IGSF21: variants seen among roughly 807,000 people sequenced by gnomAD.
IGSF21 encodes immunoglobulin superfamily member 21.
In IGSF21, 28 loss-of-function variants were observed where a neutral mutation model predicts 46.8. The observed-to-expected ratio is 0.60, with a 90% CI of 0.44 to 0.82. IGSF21 has a LOEUF of 0.82. Among genes scored for constraint, IGSF21 ranks in the 40% least tolerant of loss-of-function variants. The pLI, the probability that IGSF21 is intolerant of heterozygous loss-of-function variation, is 0.00. For missense variants in IGSF21, 624 were observed against 665.5 expected, an observed-to-expected ratio of 0.94 and a Z score of 0.69; for synonymous variants, 284 against 273.6, an observed-to-expected ratio of 1.04 and a Z score of -0.38.
intron 7 of IGSF21, 103 bp downstream of exon 7, chr1:18,376,498 C>A: frequency 1.2e-6 from 1 of 868,686 alleles, no homozygotes; most frequent in Non-Finnish European, 2.0e-6. Context: ...TTCCTTTGAT[C>A]CCCAGCCACA....
chr1:18,359,383 A>AAGGAAGG (rs2086064838), intron 4 of IGSF21, among the ~76,000 whole-genome samples: 35 of 61,092 alleles, frequency 5.7e-4, no homozygotes, highest in East Asian at 1.4e-3. Context: ...AGAAAGAAAG[A>AAGGAAGG]AAGGAAGGAA....
At chr1:18,330,009 G>A (rs1232290231) in intron 3 of IGSF21, among the ~76,000 whole-genome samples, 1 of 152,194 alleles carries the variant, frequency 6.6e-6, no homozygotes, top group Non-Finnish European at 1.5e-5. Context: ...GCATTACACT[G>A]ATCTCTCCAG....
rs535283115 is a variant in IGSF21, at chr1:18,170,534, T to C, written c.71-57364T>C. Reference sequence around the variant, plus strand: ...CTGCTTGCTGATTTTATCCTATATATTTTACTTTTTTGTTTAACTAATGTA... The same window carrying C: ...CTGCTTGCTGATTTTATCCTATATACTTTACTTTTTTGTTTAACTAATGTA... On this transcript the variant is annotated intron_variant, in intron 1 of 9. Transcript: ENST00000251296. Among the ~76,000 whole-genome samples, 6 of 151,646 alleles carry C rather than the reference T, an allele frequency of 4.0e-5. No individual in the cohort carries two copies. The South Asian group carries it at 1.3e-3, about 32-fold the overall frequency.
At chr1:18,246,957 A>G (rs2084790488) in intron 2 of IGSF21, among the ~76,000 whole-genome samples, 1 of 152,190 alleles carries the variant, frequency 6.6e-6, no homozygotes, top group Admixed American at 6.5e-5. Flanking sequence ...CACCACCGGA[A>G]GGAGGAACTA....
chr1:18,147,794 T>A (rs1280282023), intron 1 of IGSF21, among the ~76,000 whole-genome samples: 2 of 152,160 alleles, frequency 1.3e-5, no homozygotes, highest in Admixed American at 6.5e-5. Context: ...TGAGGACACT[T>A]GATATGGTTT....
intron 1 of IGSF21, among the ~76,000 whole-genome samples, chr1:18,134,196 GC>G (rs1298052257): frequency 6.6e-6 from 1 of 152,086 alleles, no homozygotes; most frequent in Non-Finnish European, 1.5e-5. Context: ...ATCTTCTGTG[GC>G]CCCCCTTAAC....
chr1:18,243,294 G>A lies in IGSF21; in HGVS notation c.183+15284G>A, dbSNP rs74056559. On this transcript the variant is annotated intron_variant, in intron 2 of 9. Coordinates refer to ENST00000251296, the MANE Select transcript of IGSF21 (RefSeq NM_032880.5). ...CCCTCCCTTAGTCTTCTCCACCTCA[G>A]CGAACGGCATCACCATCCACCAGTT... 3.7e-3 allele frequency among the ~76,000 whole-genome samples: 568 copies of A among 152,182 alleles called. 4 individuals carry two copies. The highest frequency in any genetic ancestry group is 0.012 in the African/African-American group (515 of 41,506).
chr1:18,245,042 T>C (rs960512163), intron 2 of IGSF21, among the ~76,000 whole-genome samples: 2 of 152,232 alleles, frequency 1.3e-5, no homozygotes, highest in Admixed American at 6.5e-5. Context: ...GCTATACTTA[T>C]TGAACTGATT....
rs2085259239 is a variant in IGSF21, at chr1:18,290,942, CA to C, written c.184-923del. ...CATTGCAGGCTGTTAGCGCAGAGCC[CA>C]GCTGAGCTGCGAGAGGCTGCAAGCT... is the stretch of plus-strand genomic sequence containing the variant. On this transcript the variant is annotated intron_variant, in intron 2 of 9. Transcript: ENST00000251296. This position sits in a 1 kb window ranked among gnomAD's most constrained non-coding sequence, Gnocchi z 4.2. Among the ~76,000 whole-genome samples, 1 of 152,300 alleles carries C rather than the reference CA, an allele frequency of 6.6e-6. No homozygotes were observed. The highest frequency in any genetic ancestry group is 1.9e-4 in the East Asian group (1 of 5,162).
At chr1:18,319,804 T>G (rs2085582949) in intron 3 of IGSF21, among the ~76,000 whole-genome samples, 1 of 152,126 alleles carries the variant, frequency 6.6e-6, no homozygotes, top group Non-Finnish European at 1.5e-5. Flanking sequence ...CCCCCTCCAC[T>G]CCCAGCACTC....
intron 3 of IGSF21, among the ~76,000 whole-genome samples, chr1:18,306,616 G>A (rs952279660): frequency 6.6e-6 from 1 of 152,124 alleles, no homozygotes; most frequent in Non-Finnish European, 1.5e-5. Flanking sequence ...CCCTAGTCAG[G>A]GGCCAATGTA....
At chr1:18,281,952 A>G (rs1231055074) in intron 2 of IGSF21, among the ~76,000 whole-genome samples, 1 of 152,130 alleles carries the variant, frequency 6.6e-6, no homozygotes, top group African/African-American at 2.4e-5. Context: ...TTCGGAGCAA[A>G]GAGCCTGGCT....
chr1:18,286,931 C>T (rs1025634328), intron 2 of IGSF21, among the ~76,000 whole-genome samples: 1 of 152,156 alleles, frequency 6.6e-6, no homozygotes, highest in Non-Finnish European at 1.5e-5. Context: ...CCTGTAATCC[C>T]AGCACTTTGG....
At chr1:18,164,720 AT>A (rs2086660959) in intron 1 of IGSF21, among the ~76,000 whole-genome samples, 1 of 150,906 alleles carries the variant, frequency 6.6e-6, no homozygotes, top group Middle Eastern at 3.4e-3. Flanking sequence ...CTTTGTTGGT[AT>A]TTTTTCTTTT....
intron 1 of IGSF21, among the ~76,000 whole-genome samples, chr1:18,202,920 A>T (rs2087091096): frequency 6.6e-6 from 1 of 152,234 alleles, no homozygotes; most frequent in African/African-American, 2.4e-5. Flanking sequence ...TCCCAGGGAA[A>T]GGTGCCATGG....
chr1:18,362,137 G>T lies in IGSF21; in HGVS notation c.447G>T (p.Val149=). ...NVMAPPTSIE[V]VAADTPAPFS... is the part of the protein sequence containing the mutation. ...CAGCTCCTCCCACCTCCATTGAAGT[G>T]GTGGCTGCTGACACACCAGCCCCCT... is the stretch of plus-strand genomic sequence containing the variant. The change falls in exon 5 of 10, where the codon GTG becomes GTT. Residue 149 remains valine, a synonymous_variant. Coordinates refer to ENST00000251296, the MANE Select transcript of IGSF21 (RefSeq NM_032880.5). 1 of 1,611,112 alleles carries T rather than the reference G, an allele frequency of 6.2e-7. No individual in the cohort carries two copies. The highest frequency in any genetic ancestry group is 2.2e-5 in the East Asian group (1 of 44,830).
intron 1 of IGSF21, among the ~76,000 whole-genome samples, chr1:18,217,567 C>T (rs1229003773): frequency 6.6e-6 from 1 of 152,196 alleles, no homozygotes; most frequent in Non-Finnish European, 1.5e-5. Context: ...TTGAAAATGG[C>T]CTCAGCCATC....
intron 2 of IGSF21, among the ~76,000 whole-genome samples, chr1:18,252,626 G>C (rs1395304959): frequency 6.6e-6 from 1 of 152,200 alleles, no homozygotes; most frequent in African/African-American, 2.4e-5. Context: ...GCCTGGGGTA[G>C]AGTTTCTCTC....
At chr1:18,340,666 T>C (rs1307952147) in intron 4 of IGSF21, among the ~76,000 whole-genome samples, 1 of 152,212 alleles carries the variant, frequency 6.6e-6, no homozygotes, top group Non-Finnish European at 1.5e-5. Context: ...ACAGTGTTAG[T>C]CCTAGAAGCC....
Sources: allele counts gnomAD v4.1 joint callset (sites outside exome capture counted in the v4.1 genomes callset), GRCh38; gene constraint gnomAD v4.1.1; non-coding constraint Gnocchi (gnomAD v3.1); transcripts MANE v1.5; gene names NCBI Gene and HGNC (gene_info 2026-07-23, HGNC 2026-07-21).